Variants in ANKDD1B observed in about 807,000 individuals in gnomAD.
ANKDD1B encodes ankyrin repeat and death domain containing 1B, also known as ankyrin repeat and death domain-containing protein 1B.
Under a neutral mutation model 59.7 loss-of-function variants are expected in ANKDD1B, and 57 were observed. That is an observed-to-expected ratio of 0.95 (90% CI 0.77 to 1.19). The LOEUF (loss-of-function observed/expected upper bound fraction) is 1.19. ANKDD1B is among the 50% of genes most tolerant of loss of function. The pLI, the probability that ANKDD1B is intolerant of heterozygous loss-of-function variation, is 0.00. For synonymous variants in ANKDD1B, 216 were observed against 239.5 expected, an observed-to-expected ratio of 0.90 and a Z score of 0.91; for missense variants, 602 against 641.9, an observed-to-expected ratio of 0.94 and a Z score of 0.67.
At chr5:75,617,282 G>C (rs1379899601) in intron 2 of ANKDD1B, among the ~76,000 whole-genome samples, 1 of 152,076 alleles carries the variant, frequency 6.6e-6, no homozygotes, top group Admixed American at 6.5e-5. Flanking sequence ...ATACAATCTG[G>C]GTTGTTTTCT....
At chr5:75,648,268 A>AAAAAAAAAAATT (rs1491507029) in intron 7 of ANKDD1B, among the ~76,000 whole-genome samples, 32 of 23,006 alleles carry the variant, frequency 1.4e-3, no homozygotes, top group African/African-American at 6.6e-3. Flanking sequence ...AAAAAAAATT[A>AAAAAAAAAAATT]AAAAAAAAAA....
chr5:75,630,620 A>C (rs1348708577), intron 5 of ANKDD1B, among the ~76,000 whole-genome samples: 1 of 152,258 alleles, frequency 6.6e-6, no homozygotes, highest in East Asian at 1.9e-4. Flanking sequence ...GCCATTTTAA[A>C]GTTGAACAGA....
chr5:75,661,414 A>AAAAAAAAAAAAAAAAAG (rs1471501853), intron 10 of ANKDD1B, among the ~76,000 whole-genome samples: 12 of 131,474 alleles, frequency 9.1e-5, no homozygotes, highest in African/African-American at 2.8e-4. Flanking sequence ...AAAAAAAAAA[A>AAAAAAAAAAAAAAAAAG]AAAAAAAAAA....
At chr5:75,640,039 ATCTT>A (rs1774422235) in intron 7 of ANKDD1B, among the ~76,000 whole-genome samples, 2 of 151,440 alleles carry the variant, frequency 1.3e-5, no homozygotes, top group Non-Finnish European at 1.5e-5. Context: ...TTCTGAGATT[ATCTT>A]TCTTTTTTTT....
chr5:75,652,638 C>A lies in ANKDD1B; in HGVS notation c.799-504C>A, dbSNP rs183036082. Among the ~76,000 whole-genome samples, 5 of 152,294 alleles carry A rather than the reference C, an allele frequency of 3.3e-5. No individual in the cohort carries two copies. The East Asian group carries it at 7.7e-4, about 24-fold the overall frequency. On this transcript the variant is annotated intron_variant, in intron 7 of 13. Coordinates refer to ENST00000601380, the MANE Select transcript of ANKDD1B (RefSeq NM_001276713.2). ...AATTTTTGTAGAGACAAGGTTTCAC[C>A]ATGTTGCCAGGGCTGATCTCAAACT... is the stretch of plus-strand genomic sequence containing the variant.
At chr5:75,620,166 T>C in intron 2 of ANKDD1B, 149 bp from the exon 3 acceptor site, 1 of 571,586 alleles carries the variant, frequency 1.7e-6, no homozygotes, top group Non-Finnish European at 3.1e-6. Flanking sequence ...GACACAATTC[T>C]CATAACTTTC....
chr5:75,620,857 C>T (rs73764932), intron 3 of ANKDD1B, among the ~76,000 whole-genome samples: 11,220 of 152,218 alleles, frequency 0.074, 490 homozygotes, highest in South Asian at 0.17. Context: ...CAGGCTCCAT[C>T]GTCTCCATGA....
chr5:75,632,809 A>G lies in ANKDD1B; in HGVS notation c.601-2089A>G, dbSNP rs148715532. ...TACATTACATTATAATTACTTGCTTATGTGTCCATCTCTCCTTTTGGACTC... is the reference window on the plus strand; with the variant it reads ...TACATTACATTATAATTACTTGCTTGTGTGTCCATCTCTCCTTTTGGACTC... On this transcript the variant is annotated intron_variant, in intron 5 of 13. Coordinates refer to ENST00000601380, the MANE Select transcript of ANKDD1B (RefSeq NM_001276713.2). Among the ~76,000 whole-genome samples the G allele has an allele frequency of 2.6e-5, 4 of 152,316 alleles. No individual in the cohort carries two copies. In the East Asian group the frequency reaches 5.8e-4, roughly 22 times the overall value.
chr5:75,611,674 G>A lies in ANKDD1B; in HGVS notation c.40G>A (p.Ala14Thr). 4 of 1,231,842 alleles carry A rather than the reference G, an allele frequency of 3.2e-6. No homozygotes were observed. Among genetic ancestry groups the A allele is most frequent in the Non-Finnish European group, 4.0e-6 (4 of 988,128 alleles). 76.3% of individuals were successfully genotyped at this position (1,231,842 alleles called of 1,614,324 possible). Residue 14 changes from alanine (A) to threonine (T), a missense_variant, in exon 1 of 14, where the codon GCA becomes ACA. Coordinates refer to ENST00000601380, the MANE Select transcript of ANKDD1B (RefSeq NM_001276713.2). ...AGRARGQGAT[A>T]GGLLLRAAAA... ...GCGCGCCCGGGGCCAAGGGGCCACG[G>A]CAGGGGGGCTGCTGCTCCGGGCTGC...
intron 5 of ANKDD1B, 198 bp from the exon 6 acceptor site, chr5:75,634,700 T>G (rs1477219378): frequency 2.0e-6 from 1 of 495,118 alleles, no homozygotes; most frequent in Non-Finnish European, 3.7e-6. Flanking sequence ...GATTTCATGC[T>G]GATGTGGAGT....
At chr5:75,634,869 A>T in intron 5 of ANKDD1B, 29 bp from the exon 6 acceptor site, 1 of 1,387,892 alleles carries the variant, frequency 7.2e-7, no homozygotes, top group Non-Finnish European at 9.9e-7. Flanking sequence ...GACTGTAATA[A>T]ATGCTTGAGG....
intron 7 of ANKDD1B, among the ~76,000 whole-genome samples, chr5:75,641,478 T>C (rs1774459981): frequency 2.0e-5 from 3 of 152,218 alleles, no homozygotes; most frequent in African/African-American, 7.2e-5. Flanking sequence ...CTAACATCCT[T>C]AATAGTTTAT....
At chr5:75,624,669 T>G (rs1420161085) in intron 3 of ANKDD1B, among the ~76,000 whole-genome samples, 1 of 152,226 alleles carries the variant, frequency 6.6e-6, no homozygotes, top group Non-Finnish European at 1.5e-5. Flanking sequence ...TACCCTCTCC[T>G]CCTCTGGTAA....
At chr5:75,623,354 C>A (rs564832115) in intron 3 of ANKDD1B, among the ~76,000 whole-genome samples, 1 of 152,100 alleles carries the variant, frequency 6.6e-6, no homozygotes, top group Non-Finnish European at 1.5e-5. Flanking sequence ...CAGGAGCCAC[C>A]GTGCCTGGCC....
intron 5 of ANKDD1B, among the ~76,000 whole-genome samples, chr5:75,629,089 G>T (rs950622585): frequency 6.6e-6 from 1 of 152,094 alleles, no homozygotes; most frequent in African/African-American, 2.4e-5. Context: ...TTTTCTGGGA[G>T]GGAAGGGGAT....
intron 13 of ANKDD1B, among the ~76,000 whole-genome samples, chr5:75,669,735 A>C (rs906503915): frequency 8.5e-5 from 13 of 152,188 alleles, no homozygotes; most frequent in African/African-American, 3.1e-4. Context: ...CACGACTAAG[A>C]GTTGTCTTGC....
chr5:75,617,450 G>A (rs1192515465), intron 2 of ANKDD1B, among the ~76,000 whole-genome samples: 2 of 152,164 alleles, frequency 1.3e-5, no homozygotes, highest in African/African-American at 4.8e-5. Context: ...TAAGTGCCGG[G>A]TTTTAGCGGA....
At chr5:75,639,894 G>A (rs1403422411) in intron 7 of ANKDD1B, among the ~76,000 whole-genome samples, 2 of 152,166 alleles carry the variant, frequency 1.3e-5, no homozygotes, top group South Asian at 2.1e-4. Context: ...GGAAACTGAA[G>A]TACTGAGATT....
intron 5 of ANKDD1B, among the ~76,000 whole-genome samples, chr5:75,627,125 C>CT (rs756850296): frequency 7.2e-5 from 11 of 152,174 alleles, no homozygotes; most frequent in Non-Finnish European, 1.3e-4. Context: ...GGAAGACAGA[C>CT]TTGGGCTGTG....
Sources: allele counts gnomAD v4.1 joint callset (sites outside exome capture counted in the v4.1 genomes callset), GRCh38; gene constraint gnomAD v4.1.1; transcripts MANE v1.5; gene names NCBI Gene and HGNC (gene_info 2026-07-23, HGNC 2026-07-21).